The following BLM variants were observed in gnomAD, a reference collection of about 807,000 sequenced individuals.
The protein encoded by BLM is recQ-like DNA helicase BLM.
BLM carries 95 observed loss-of-function variants against 135.3 expected under a neutral mutation model. The ratio of observed to expected loss-of-function variants is 0.70; its 90% CI spans 0.59 to 0.83. BLM has a LOEUF of 0.83. Ranked by LOEUF, BLM falls within the 40% of genes least tolerant of loss-of-function variation. The probability of loss-of-function intolerance (pLI) is 0.00; values close to 1 mark genes in which losing one functional copy is unlikely to be tolerated. For synonymous variants in BLM, 520 were observed against 589.2 expected, an observed-to-expected ratio of 0.88 and a Z score of 1.70; for missense variants, 1,518 against 1,663.9, an observed-to-expected ratio of 0.91 and a Z score of 1.53.
chr15:90,748,521 AATAATAATTTATATTAT>A (rs1355752645), intron 2 of BLM, among the ~76,000 whole-genome samples: 2 of 152,190 alleles, frequency 1.3e-5, no homozygotes, highest in African/African-American at 4.8e-5. Context: ...AATGATATCT[AATAATAATTTATATTAT>A]AAGTGATGCT....
intron 12 of BLM, among the ~76,000 whole-genome samples, chr15:90,774,386 A>C (rs1896414612): frequency 6.6e-6 from 1 of 151,800 alleles, no homozygotes; most frequent in Non-Finnish European, 1.5e-5. Context: ...CCATCATTTT[A>C]TATTACCTTC....
Position 90,815,708 on chromosome 15 carries a change from T to A in BLM, c.*429T>A, listed in dbSNP as rs546784071. On this transcript the variant is annotated 3_prime_UTR_variant, in exon 22 of 22. Transcript: ENST00000355112. The surrounding 1 kb of genome is among the most constrained non-coding windows in gnomAD (Gnocchi z 4.6). ...AAGGATTAGTATCCATCATACCAAATACCCGTGAACCAGTCAGAAACATCC... is the reference window on the plus strand; with the variant it reads ...AAGGATTAGTATCCATCATACCAAAAACCCGTGAACCAGTCAGAAACATCC... The A allele has an allele frequency of 4.7e-6, 1 of 212,582 alleles. No homozygotes were observed. The highest frequency in any genetic ancestry group is 2.4e-5 in the African/African-American group (1 of 42,152). 13.2% of individuals were successfully genotyped at this position (212,582 alleles called of 1,614,324 possible).
At position 90,815,144 on chromosome 15, in the gene BLM, C is replaced by G. The variant is rs1210181566; in HGVS notation, c.4119C>G (p.Ser1373=). The G allele has an allele frequency of 2.5e-6, 4 of 1,614,050 alleles. No individual in the cohort carries two copies. The highest frequency in any genetic ancestry group is 2.5e-6 in the Non-Finnish European group (3 of 1,180,048). ...TCRKISSKTK[S]SSIIGSSSAS... is the part of the protein sequence containing the mutation. ...GAAAGATATCTTCCAAAACGAAATC[C>G]TCCAGCATCATTGGATCCAGTTCAG... Residue 1373 remains serine (S), a synonymous_variant, in exon 22 of 22, where the codon TCC becomes TCG. Transcript: ENST00000355112. The surrounding 1 kb of genome is among the most constrained non-coding windows in gnomAD (Gnocchi z 4.6).
chr15:90,803,780 TG>T, intron 18 of BLM, 60 bp downstream of exon 18: 1 of 1,512,114 alleles, frequency 6.6e-7, no homozygotes, highest in Non-Finnish European at 9.2e-7. Flanking sequence ...AATATATTAT[TG>T]TGAAGTATAG....
Position 90,794,358 on chromosome 15 carries a change from GT to G in BLM, c.3210+2del, listed in dbSNP as rs587779886. The G allele has an allele frequency of 3.2e-5, 50 of 1,572,194 alleles. No homozygotes were observed. The highest frequency in any genetic ancestry group is 4.0e-5 in the Non-Finnish European group (46 of 1,162,296). ...TTGTGATAATTGCTGTAAAACAAAG[GT>G]AAAAAAAGAAGTTTTAAAATTCTTT... On this transcript the variant is annotated splice_donor_variant, in intron 16 of 21. Coordinates refer to ENST00000355112, the MANE Select transcript of BLM (RefSeq NM_000057.4). LOFTEE classifies it high-confidence loss of function.
chr15:90,798,369 T>G lies in BLM; in HGVS notation c.3358+32T>G, dbSNP rs17273842. The G allele has an allele frequency of 0.17, 272,271 of 1,603,142 alleles. 23,968 individuals carry two copies. The highest frequency in any genetic ancestry group is 0.18 in the Non-Finnish European group (213,234 of 1,172,514). On this transcript the variant is annotated intron_variant, in intron 17 of 21. Coordinates refer to ENST00000355112, the MANE Select transcript of BLM (RefSeq NM_000057.4). ...CATCTGTTTTGAATGTTTGAGTTAC[T>G]TCAATTGAAATTGAACATCTAAAGA...
Position 90,747,437 on chromosome 15 carries a change from T to A in BLM, c.45T>A (p.Arg15=), listed in dbSNP as rs1458732220. The part of the protein sequence containing the change: ...PQNNLQEQLE[R]HSARTLNNKL... ...ATAATCTACAGGAGCAACTAGAACG[T>A]CACTCAGCCAGAACACTTAATAATA... The change falls in exon 2 of 22, where the codon CGT becomes CGA. Residue 15 remains arginine (R), a synonymous_variant. Coordinates refer to ENST00000355112, the MANE Select transcript of BLM (RefSeq NM_000057.4). 3 of 1,611,874 alleles carry A rather than the reference T, an allele frequency of 1.9e-6. No homozygotes were observed. Among genetic ancestry groups the A allele is most frequent in the South Asian group, 2.2e-5 (2 of 90,650 alleles).
rs550470390 is a variant in BLM, at chr15:90,778,645, C to A, written c.2556-4177C>A. On this transcript the variant is annotated intron_variant, in intron 12 of 21. Coordinates refer to ENST00000355112, the MANE Select transcript of BLM (RefSeq NM_000057.4). ...ATCCAATATGTGATCTTTTTTGTGA[C>A]TGTCTACTTAGCATAATGTTTTCAC... Among the ~76,000 whole-genome samples, 17 of 152,332 alleles carry A rather than the reference C, an allele frequency of 1.1e-4. No individual in the cohort carries two copies. The South Asian group carries it at 3.5e-3, about 32-fold the overall frequency.
chr15:90,742,834 C>T (rs1475341302), intron 1 of BLM, among the ~76,000 whole-genome samples: 1 of 151,832 alleles, frequency 6.6e-6, no homozygotes, highest in East Asian at 1.9e-4. Flanking sequence ...ACAGGTCGTA[C>T]TTTGTTGCCC....
At chr15:90,796,540 C>G (rs571340458) in intron 16 of BLM, among the ~76,000 whole-genome samples, 5 of 152,140 alleles carry the variant, frequency 3.3e-5, no homozygotes, top group South Asian at 2.1e-4. Context: ...TGGCTGTGTT[C>G]CAATAAAACT....
At chr15:90,774,824 AG>A (rs1333347432) in intron 12 of BLM, among the ~76,000 whole-genome samples, 1 of 144,532 alleles carries the variant, frequency 6.9e-6, no homozygotes, top group African/African-American at 2.6e-5. Flanking sequence ...AAAAAAAAAA[AG>A]TACAGGTCAG....
rs114402327 is a variant in BLM at position 90,724,138 on chromosome 15, G to A, written c.-5+6698G>A. ...GATGATCCTTCTGCCTCAGCCTCCC[G>A]AGAAGGTGAGACTACAGGAGTGTAC... is the stretch of plus-strand genomic sequence containing the variant. On this transcript the variant is annotated intron_variant, in intron 1 of 21. Transcript: ENST00000355112. Among the ~76,000 whole-genome samples, 367 of 151,842 alleles carry A rather than the reference G, an allele frequency of 2.4e-3. 2 individuals are homozygous for A. Among genetic ancestry groups the A allele is most frequent in the African/African-American group, 8.4e-3 (348 of 41,408 alleles).
At chr15:90,781,771 G>A (rs1188277047) in intron 12 of BLM, among the ~76,000 whole-genome samples, 1 of 152,204 alleles carries the variant, frequency 6.6e-6, no homozygotes, top group Non-Finnish European at 1.5e-5. Context: ...CCCGTGGGCT[G>A]CGGGTTGGAT....
intron 12 of BLM, among the ~76,000 whole-genome samples, chr15:90,775,752 T>A (rs2151172331): frequency 6.6e-6 from 1 of 152,210 alleles, no homozygotes; most frequent in South Asian, 2.1e-4. Context: ...CCTCAGGTGA[T>A]CCACCCGCCC....
intron 5 of BLM, among the ~76,000 whole-genome samples, chr15:90,758,853 G>A (rs1452661887): frequency 6.6e-6 from 1 of 152,122 alleles, no homozygotes; most frequent in Non-Finnish European, 1.5e-5. Context: ...TGTGTCAGAT[G>A]CCTACTGAGG....
chr15:90,718,695 G>A (rs963804362), intron 1 of BLM, among the ~76,000 whole-genome samples: 2 of 152,192 alleles, frequency 1.3e-5, no homozygotes, highest in Admixed American at 1.3e-4. Flanking sequence ...CACTCACCAT[G>A]ACAGGTACCT....
At chr15:90,748,691 C>G (rs1013826554) in intron 2 of BLM, among the ~76,000 whole-genome samples, 1 of 151,848 alleles carries the variant, frequency 6.6e-6, no homozygotes, top group Non-Finnish European at 1.5e-5. Flanking sequence ...GTTTTTAACT[C>G]TTTTTCCCCT....
At chr15:90,814,869 T>C (rs540133538) in intron 21 of BLM, among the ~76,000 whole-genome samples, 20 of 152,244 alleles carry the variant, frequency 1.3e-4, no homozygotes, top group African/African-American at 4.3e-4. Flanking sequence ...TAAGAAACAG[T>C]CCTGCACATT....
intron 8 of BLM, among the ~76,000 whole-genome samples, chr15:90,764,100 G>A (rs1001225424): frequency 2.6e-5 from 4 of 151,162 alleles, no homozygotes; most frequent in East Asian, 3.9e-4. Flanking sequence ...GAACTCTAAC[G>A]CTGGAAAAAA....
Sources: allele counts gnomAD v4.1 joint callset (sites outside exome capture counted in the v4.1 genomes callset), GRCh38; gene constraint gnomAD v4.1.1; non-coding constraint Gnocchi (gnomAD v3.1); transcripts MANE v1.5; gene names NCBI Gene and HGNC (gene_info 2026-07-23, HGNC 2026-07-21).